ZW10: variants seen among roughly 807,000 people sequenced by gnomAD.
ZW10 encodes the protein zw10 kinetochore protein.
Under a neutral mutation model 87.8 loss-of-function variants are expected in ZW10, and 53 were observed. The ratio of observed to expected loss-of-function variants is 0.60; its 90% CI spans 0.48 to 0.76. The LOEUF (loss-of-function observed/expected upper bound fraction) is 0.76. Among genes scored for constraint, ZW10 ranks in the 30% least tolerant of loss-of-function variants. The pLI is 0.00. For missense variants in ZW10, 837 were observed against 923.0 expected (o/e 0.91, Z 1.21); for synonymous variants, 312 against 329.2 (o/e 0.95, Z 0.57).
chr11:113,766,576 A>G (rs1266588587), intron 2 of ZW10, among the ~76,000 whole-genome samples: 1 of 145,586 alleles, frequency 6.9e-6, no homozygotes, highest in African/African-American at 2.6e-5. Flanking sequence ...CGGGAGGCTG[A>G]GGCAGGAGAA....
Position 113,743,976 on chromosome 11 carries a change from T to G in ZW10, c.1337A>C (p.Glu446Ala). The change falls in exon 10 of 16, where the codon GAA becomes GCA. Residue 446 changes from glutamate to alanine, a missense_variant. Transcript: ENST00000200135. Reference protein sequence around the residue: ...LPTPDEDNKLEVQKVSNTQYH... With the variant: ...LPTPDEDNKLAVQKVSNTQYH... ...CTGAGTATTGGATACTTTCTGTACT[T>G]CCAGTTTGTTATCCTCATCAGGAGT... 1 of 1,614,260 alleles carries G rather than the reference T, an allele frequency of 6.2e-7. No homozygotes were observed. The highest frequency in any genetic ancestry group is 8.5e-7 in the Non-Finnish European group (1 of 1,180,032).
At chr11:113,739,776 C>T (rs1417328246) in intron 11 of ZW10, among the ~76,000 whole-genome samples, 2 of 152,160 alleles carry the variant, frequency 1.3e-5, no homozygotes, top group Non-Finnish European at 2.9e-5. Flanking sequence ...ATGAAGTGTT[C>T]AATTATTTTC....
At chr11:113,768,611 C>A (rs1953930733) in intron 2 of ZW10, among the ~76,000 whole-genome samples, 1 of 152,104 alleles carries the variant, frequency 6.6e-6, no homozygotes, top group Admixed American at 6.6e-5. Flanking sequence ...ATGCACCGGG[C>A]CTGGTCAAAT....
At chr11:113,753,658 G>C (rs1396505990) in intron 7 of ZW10, among the ~76,000 whole-genome samples, 2 of 152,154 alleles carry the variant, frequency 1.3e-5, no homozygotes, top group Non-Finnish European at 1.5e-5. Flanking sequence ...CATCTGCCCT[G>C]GCCTCCCAAA....
intron 2 of ZW10, 138 bp downstream of exon 2, chr11:113,768,695 A>G: frequency 1.2e-6 from 1 of 852,842 alleles, no homozygotes; most frequent in Non-Finnish European, 1.7e-6. Flanking sequence ...AAGTCACCCT[A>G]CAATCATTTA....
intron 1 of ZW10, 125 bp downstream of exon 1, chr11:113,773,437 C>G: frequency 1.3e-6 from 1 of 742,384 alleles, no homozygotes; most frequent in East Asian, 2.8e-5. Flanking sequence ...ACTAGATCTC[C>G]CCAACAGGCC....
chr11:113,767,757 A>G (rs1031255734), intron 2 of ZW10, among the ~76,000 whole-genome samples: 2 of 152,218 alleles, frequency 1.3e-5, no homozygotes, highest in African/African-American at 4.8e-5. Context: ...CTAACCTGAT[A>G]TGCAAGGCCC....
rs1047257602 is a variant in ZW10, at chr11:113,768,868, C to T, written c.205G>A (p.Asp69Asn). 2 of 1,614,080 alleles carry T rather than the reference C, an allele frequency of 1.2e-6. No individual in the cohort carries two copies. The highest frequency in any genetic ancestry group is 1.7e-6 in the Non-Finnish European group (2 of 1,180,032). ...ATCCTGGATTTCAGCAGGTCAATGT[C>T]TTCAGATAGCTTATCCACCTGGGTA... Reference protein sequence around the residue: ...LITQVDKLSEDIDLLKSRIES... With the variant: ...LITQVDKLSENIDLLKSRIES... The change falls in exon 2 of 16, where the codon GAC becomes AAC. Residue 69 changes from aspartate (D) to asparagine (N), a missense_variant. By Grantham distance (23) the Asp-to-Asn change is conservative (BLOSUM62 1). Transcript: ENST00000200135.
At position 113,736,838 on chromosome 11, in the gene ZW10, G is replaced by A; in HGVS notation, c.2017-16C>T. On this transcript the variant is annotated splice_polypyrimidine_tract_variant and intron_variant, in intron 14 of 15. Transcript: ENST00000200135. ...TAGATATGTCCTGGTTTTGCACAGAGGAAACACAATAGAATAGAATTGGGC... is the reference window on the plus strand; with the variant it reads ...TAGATATGTCCTGGTTTTGCACAGAAGAAACACAATAGAATAGAATTGGGC... 6.2e-7 allele frequency: 1 copy of A among 1,612,944 alleles called. No individual in the cohort carries two copies. The highest frequency in any genetic ancestry group is 8.5e-7 in the Non-Finnish European group (1 of 1,178,996).
At position 113,748,256 on chromosome 11, in the gene ZW10, C is replaced by T; in HGVS notation, c.1089+1G>A. Reference sequence around the variant, plus strand: ...CCTTCTGTGCTGTCTGGGCTCTTTACCTCTTCATATTGCTGTAATTTGCTG... The same window carrying T: ...CCTTCTGTGCTGTCTGGGCTCTTTATCTCTTCATATTGCTGTAATTTGCTG... On this transcript the variant is annotated splice_donor_variant, in intron 8 of 15. Transcript: ENST00000200135. LOFTEE classifies it high-confidence loss of function. 1 of 1,607,680 alleles carries T rather than the reference C, an allele frequency of 6.2e-7. No individual in the cohort carries two copies. Among genetic ancestry groups the T allele is most frequent in the Non-Finnish European group, 8.5e-7 (1 of 1,178,120 alleles).
At chr11:113,745,138 A>G (rs1460793323) in intron 9 of ZW10, among the ~76,000 whole-genome samples, 1 of 152,166 alleles carries the variant, frequency 6.6e-6, no homozygotes, top group East Asian at 1.9e-4. Flanking sequence ...TGTTGGGACT[A>G]AATGAAAGAA....
At chr11:113,763,494 A>C (rs1286071053) in intron 2 of ZW10, among the ~76,000 whole-genome samples, 1 of 152,128 alleles carries the variant, frequency 6.6e-6, no homozygotes, top group Non-Finnish European at 1.5e-5. Flanking sequence ...CAGTGTAAAA[A>C]CGTTCCTATT....
chr11:113,736,918 G>A, intron 14 of ZW10, 96 bp from the exon 15 acceptor site: 1 of 1,147,266 alleles, frequency 8.7e-7, no homozygotes, highest in Non-Finnish European at 1.3e-6. Context: ...GTCCAGGTGG[G>A]TCAGCTACAA....
intron 11 of ZW10, 49 bp from the exon 12 acceptor site, chr11:113,739,431 A>C (rs764774635): frequency 6.6e-7 from 1 of 1,524,806 alleles, no homozygotes; most frequent in Admixed American, 2.2e-5. Context: ...CTGTTACTGA[A>C]GCTGGGGTTG....
intron 15 of ZW10, among the ~76,000 whole-genome samples, chr11:113,735,830 C>T (rs1338971793): frequency 6.6e-6 from 1 of 152,186 alleles, no homozygotes; most frequent in Non-Finnish European, 1.5e-5. Flanking sequence ...AGATGAATCC[C>T]TTCTAGGTAT....
intron 2 of ZW10, among the ~76,000 whole-genome samples, chr11:113,762,266 A>C (rs1008542433): frequency 3.9e-4 from 60 of 152,200 alleles, no homozygotes; most frequent in Non-Finnish European, 3.2e-4. Context: ...GAAAACATAC[A>C]GTAAAAATAC....
chr11:113,765,956 G>A (rs544525724), intron 2 of ZW10, among the ~76,000 whole-genome samples: 1 of 152,238 alleles, frequency 6.6e-6, no homozygotes, highest in Admixed American at 6.5e-5. Context: ...GCAATCTACT[G>A]CACAATGTCC....
At chr11:113,743,142 G>A (rs1215989863) in intron 10 of ZW10, among the ~76,000 whole-genome samples, 1 of 152,198 alleles carries the variant, frequency 6.6e-6, no homozygotes, top group Non-Finnish European at 1.5e-5. Context: ...AGAATTTAAG[G>A]TAACGTGAAT....
chr11:113,735,371 AG>A (rs1366283117), intron 15 of ZW10, among the ~76,000 whole-genome samples: 1 of 152,124 alleles, frequency 6.6e-6, no homozygotes, highest in Non-Finnish European at 1.5e-5. Context: ...TTACCTGCTA[AG>A]GACTTGTAAA....
Sources: allele counts gnomAD v4.1 joint callset (sites outside exome capture counted in the v4.1 genomes callset), GRCh38; gene constraint gnomAD v4.1.1; transcripts MANE v1.5; gene names NCBI Gene and HGNC (gene_info 2026-07-23, HGNC 2026-07-21).